Variants in DCAF13 observed in about 807,000 individuals in gnomAD.
DCAF13 encodes the protein DDB1- and CUL4-associated factor 13.
DCAF13 carries 38 observed loss-of-function variants against 59.0 expected under a neutral mutation model. That is an observed-to-expected ratio of 0.64 (90% CI 0.50 to 0.84). DCAF13 has a LOEUF of 0.84. Ranked by LOEUF, DCAF13 falls within the 40% of genes least tolerant of loss-of-function variation. DCAF13 has a pLI of 0.00. For missense variants in DCAF13, 469 were observed against 558.4 expected (o/e 0.84, Z 1.61); for synonymous variants, 173 against 175.0 (o/e 0.99, Z 0.09).
chr8:103,439,971 G>A (rs3098218), intron 8 of DCAF13, 165 bp from the exon 9 acceptor site: 221,988 of 449,428 alleles, frequency 0.49, 55,480 homozygotes, highest in Non-Finnish European at 0.51. Context: ...CACTTAACAC[G>A]GAACCTTATT....
rs1231265462 is a variant in DCAF13 at position 103,430,643 on chromosome 8, G to A, written c.656G>A (p.Arg219Lys). 1 of 1,610,478 alleles carries A rather than the reference G, an allele frequency of 6.2e-7. No homozygotes were observed. The highest frequency in any genetic ancestry group is 8.5e-7 in the Non-Finnish European group (1 of 1,178,342). The change falls in exon 6 of 11, where the codon AGG becomes AAG. Residue 219 changes from arginine (R) to lysine (K), a missense_variant. By Grantham distance (26) the Arg-to-Lys change is conservative. Around this residue, in one of 3 missense-constraint regions of DCAF13, gnomAD observed 355 missense variants for 399.1 expected, o/e 0.89. Transcript: ENST00000612750. ...TFLLGSCASD[R>K]NIVLYDMRQA... ...CTCTTGGGAAGTTGTGCATCTGACA[G>A]GAATATAGTACTGTACGATATGAGG... is the stretch of plus-strand genomic sequence containing the variant.
At chr8:103,433,682 C>T (rs1816895757) in intron 7 of DCAF13, among the ~76,000 whole-genome samples, 1 of 151,940 alleles carries the variant, frequency 6.6e-6, no homozygotes, top group Admixed American at 6.6e-5. Flanking sequence ...AGGTTTAGTC[C>T]AGGAGTTTGA....
chr8:103,433,932 A>C (rs1213063629), intron 7 of DCAF13, among the ~76,000 whole-genome samples: 1 of 152,128 alleles, frequency 6.6e-6, no homozygotes, highest in Non-Finnish European at 1.5e-5. Flanking sequence ...AACCTCATTA[A>C]GATTTCTAAA....
At chr8:103,431,864 A>G (rs1284064186) in intron 6 of DCAF13, among the ~76,000 whole-genome samples, 1 of 151,912 alleles carries the variant, frequency 6.6e-6, no homozygotes, top group Non-Finnish European at 1.5e-5. Context: ...ATGGAGCTCC[A>G]TTAATTTTAG....
rs768360086 is a variant in DCAF13, at chr8:103,440,343, TTTAC to T, written c.1086+75_1086+78del. On this transcript the variant is annotated intron_variant, in intron 9 of 10. Transcript: ENST00000612750. ...TTTATTAGATATTACATTATGAAAA[TTTAC>T]TTTTAGGTATTTTTGGGTATTTTGA... 343 of 1,367,154 alleles carry T rather than the reference TTTAC, an allele frequency of 2.5e-4. 1 individual carries two copies. Among genetic ancestry groups the T allele is most frequent in the Admixed American group, 1.2e-3 (45 of 38,008 alleles). The allele number at this position is 1,367,154 out of a possible 1,614,324, so 84.7% of individuals were successfully genotyped here. A position where few individuals can be genotyped will look rare whatever the true frequency, so the allele number is the denominator to read the frequency against.
At position 103,424,964 on chromosome 8, in the gene DCAF13, C is replaced by T. The variant is rs142248983; in HGVS notation, c.379-1092C>T. On this transcript the variant is annotated intron_variant, in intron 3 of 10. Coordinates refer to ENST00000612750, the MANE Select transcript of DCAF13 (RefSeq NM_015420.7). ...GGATGTAGTTAAGGATTCTGTTCAT[C>T]GACATCCTCAACAAAAGACATCGCT... 4.4e-3 allele frequency among the ~76,000 whole-genome samples: 669 copies of T among 152,224 alleles called. 2 individuals carry two copies. The highest frequency in any genetic ancestry group is 0.015 in the African/African-American group (615 of 41,524).
At chr8:103,423,638 C>T (rs1816751965) in intron 3 of DCAF13, among the ~76,000 whole-genome samples, 1 of 152,114 alleles carries the variant, frequency 6.6e-6, no homozygotes, top group Non-Finnish European at 1.5e-5. Context: ...ACAACATGCT[C>T]TCTTGACAAT....
rs371574862 is a variant in DCAF13, at chr8:103,426,169, G to C, written c.468+24G>C. 8.2e-5 allele frequency: 113 copies of C among 1,373,836 alleles called. No individual in the cohort carries two copies. In the African/African-American group the frequency reaches 1.5e-3, roughly 18 times the overall value. The allele number at this position is 1,373,836 out of a possible 1,614,324, so 85.1% of individuals were successfully genotyped here. On this transcript the variant is annotated intron_variant, in intron 4 of 10. Coordinates refer to ENST00000612750, the MANE Select transcript of DCAF13 (RefSeq NM_015420.7). Reference sequence around the variant, plus strand: ...AGGTACAAAAGTAAATTGACTAATAGCTTGCCTATTAACATTCTTTTATTT... The same window carrying C: ...AGGTACAAAAGTAAATTGACTAATACCTTGCCTATTAACATTCTTTTATTT...
At chr8:103,427,027 A>T in intron 4 of DCAF13, 70 bp from the exon 5 acceptor site, 1 of 1,212,572 alleles carries the variant, frequency 8.2e-7, no homozygotes, top group Non-Finnish European at 1.1e-6. Flanking sequence ...AGATAAATAT[A>T]TTTAAAATAT....
intron 8 of DCAF13, 75 bp from the exon 9 acceptor site, chr8:103,440,061 G>C (rs1196141769): frequency 1.7e-6 from 2 of 1,200,416 alleles, no homozygotes; most frequent in East Asian, 2.7e-5. Context: ...ATAGTATCCT[G>C]ATACTTAATA....
At chr8:103,422,243 G>A (rs1318620134) in intron 3 of DCAF13, among the ~76,000 whole-genome samples, 1 of 152,136 alleles carries the variant, frequency 6.6e-6, no homozygotes, top group African/African-American at 2.4e-5. Flanking sequence ...TGACAAACTG[G>A]ACTGCTAATG....
chr8:103,418,325 C>T lies in DCAF13; in HGVS notation c.71-1939C>T, dbSNP rs906287852. Reference sequence around the variant, plus strand: ...CTTGAGCCCAGGAGTTCGAGAGTAGCCTGGGCATCATAAGGAGACCCCCGT... The same window carrying T: ...CTTGAGCCCAGGAGTTCGAGAGTAGTCTGGGCATCATAAGGAGACCCCCGT... On this transcript the variant is annotated intron_variant, in intron 1 of 10. Transcript: ENST00000612750. Among the ~76,000 whole-genome samples the T allele has an allele frequency of 7.3e-5, 11 of 151,384 alleles. No individual in the cohort carries two copies. In the East Asian group the frequency reaches 2.1e-3, roughly 29 times the overall value.
Position 103,435,787 on chromosome 8 carries a change from G to C in DCAF13, c.947G>C (p.Ser316Thr). 6.2e-7 allele frequency: 1 copy of C among 1,613,290 alleles called. No individual in the cohort carries two copies. Among genetic ancestry groups the C allele is most frequent in the South Asian group, 1.1e-5 (1 of 91,078 alleles). The change falls in exon 8 of 11, where the codon AGC becomes ACC. Residue 316 changes from serine (S) to threonine (T), a missense_variant. Transcript: ENST00000612750. ...ATCTTTCCTGTAGACAAAAGTCGAA[G>C]CAGGTATGTGCCTACCAGTAAGCCA... is the stretch of plus-strand genomic sequence containing the variant. ...IRIFPVDKSR[S>T]REVYHTKRMQ...
In DCAF13 at chr8:103,441,529, A is replaced by C; in HGVS notation, c.1161A>C (p.Ile387=). 2 of 1,608,614 alleles carry C rather than the reference A, an allele frequency of 1.2e-6. No individual in the cohort carries two copies. The highest frequency in any genetic ancestry group is 1.7e-6 in the Non-Finnish European group (2 of 1,178,782). ...LKEKFQHYPH[I]KRIARHRHLP... is the part of the protein sequence containing the mutation. ...AGAAATTTCAGCATTATCCTCATAT[A>C]AAACGTATAGCTCGTCATCGACATC... Residue 387 remains isoleucine, a synonymous_variant, in exon 10 of 11, where the codon ATA becomes ATC. Coordinates refer to ENST00000612750, the MANE Select transcript of DCAF13 (RefSeq NM_015420.7).
intron 9 of DCAF13, chr8:103,441,202 C>T: frequency 2.8e-6 from 1 of 359,338 alleles, no homozygotes; most frequent in Non-Finnish European, 5.0e-6. Flanking sequence ...ATCCACGTGG[C>T]CCTACTCCTT....
At chr8:103,440,398 AAAG>A in intron 9 of DCAF13, 127 bp downstream of exon 9, 1 of 695,050 alleles carries the variant, frequency 1.4e-6, no homozygotes, top group Non-Finnish European at 2.1e-6. Flanking sequence ...TGTGATAAAA[AAAG>A]CAATAAATGG....
intron 9 of DCAF13, 169 bp downstream of exon 9, chr8:103,440,440 C>T: frequency 1.9e-6 from 1 of 533,886 alleles, no homozygotes; most frequent in East Asian, 3.4e-5. Flanking sequence ...TTATTTGCTT[C>T]ATTCTGATCT....
chr8:103,432,730 T>C lies in DCAF13; in HGVS notation c.774T>C (p.Asn258=). ...PMEAFIFTAA[N]EDYNLYTFDM... ...AAGCTTTCATTTTTACAGCAGCAAA[T>C]GAAGATTATAAGTAAGTTTCCCTCT... Residue 258 remains asparagine, a synonymous_variant, in exon 7 of 11, where the codon AAT becomes AAC. Transcript: ENST00000612750. 3 of 1,594,548 alleles carry C rather than the reference T, an allele frequency of 1.9e-6. No homozygotes were observed. Among genetic ancestry groups the C allele is most frequent in the Non-Finnish European group, 2.6e-6 (3 of 1,163,952 alleles).
chr8:103,415,962 A>G (rs1816605067), intron 1 of DCAF13, among the ~76,000 whole-genome samples: 1 of 152,254 alleles, frequency 6.6e-6, no homozygotes. Context: ...TAAAAGCATC[A>G]GTTTTCTCTT....
Sources: allele counts gnomAD v4.1 joint callset (sites outside exome capture counted in the v4.1 genomes callset), GRCh38; gene constraint gnomAD v4.1.1; regional missense constraint gnomAD v4.1.1; transcripts MANE v1.5; gene names NCBI Gene and HGNC (gene_info 2026-07-23, HGNC 2026-07-21).